The following EP400 variants were observed in gnomAD, a reference collection of about 807,000 sequenced individuals.
EP400 encodes E1A binding protein p400, also known as E1A-binding protein p400.
EP400 carries 105 observed loss-of-function variants against 354.1 expected under a neutral mutation model. That is an observed-to-expected ratio of 0.30 (90% CI 0.25 to 0.35). The LOEUF is 0.35. Ranked by LOEUF, EP400 falls within the 10% of genes least tolerant of loss-of-function variation. The probability of loss-of-function intolerance (pLI) is 1.00; values close to 1 mark genes in which losing one functional copy is unlikely to be tolerated. For synonymous variants in EP400, 1,646 were observed against 1,716.9 expected (o/e 0.96, Z 1.02); for missense variants, 3,280 against 4,121.0 (o/e 0.80, Z 5.59).
At chr12:132,000,804 G>C (rs1893382469) in intron 12 of EP400, among the ~76,000 whole-genome samples, 1 of 152,012 alleles carries the variant, frequency 6.6e-6, no homozygotes, top group African/African-American at 2.4e-5. Flanking sequence ...TTACCAGTTT[G>C]TTTTAAGACA....
intron 12 of EP400, among the ~76,000 whole-genome samples, chr12:132,001,911 A>G (rs1407036450): frequency 6.6e-6 from 1 of 152,226 alleles, no homozygotes; most frequent in African/African-American, 2.4e-5. Context: ...GTATATAATC[A>G]TGTCTATGAT....
At chr12:132,030,400 G>A (rs1894449778) in intron 29 of EP400, among the ~76,000 whole-genome samples, 1 of 152,214 alleles carries the variant, frequency 6.6e-6, no homozygotes, top group Non-Finnish European at 1.5e-5. Context: ...TCATCATTAA[G>A]ACGATACTGG....
At chr12:132,031,373 ACT>A (rs1565922390) in intron 29 of EP400, 1 of 518,972 alleles carries the variant, frequency 1.9e-6, no homozygotes, top group South Asian at 1.4e-5. Flanking sequence ...TGCAAGGTGG[ACT>A]CTAACTTTTT....
intron 10 of EP400, 81 bp downstream of exon 10, chr12:131,991,537 G>C (rs1464508545): frequency 1.6e-5 from 20 of 1,267,562 alleles, no homozygotes; most frequent in Non-Finnish European, 2.2e-5. Context: ...TTCTTATCCA[G>C]AGGAATTTGT....
intron 12 of EP400, among the ~76,000 whole-genome samples, chr12:131,998,319 T>C (rs1893285538): frequency 6.6e-6 from 1 of 152,136 alleles, no homozygotes; most frequent in Non-Finnish European, 1.5e-5. Context: ...GAAAAACCTA[T>C]TGGGAGTTTT....
At chr12:131,986,959 G>A (rs1892874999) in intron 6 of EP400, 152 bp downstream of exon 6, 2 of 1,010,568 alleles carry the variant, frequency 2.0e-6, no homozygotes, top group Non-Finnish European at 2.8e-6. Context: ...CCAAGGGTTA[G>A]CCTTTTCTGT....
chr12:132,041,758 C>T (rs186285182), intron 32 of EP400, among the ~76,000 whole-genome samples: 1 of 152,252 alleles, frequency 6.6e-6, no homozygotes, highest in Non-Finnish European at 1.5e-5. Context: ...GGCAAAATTG[C>T]TGGTCCTTTC....
In EP400 at chr12:131,986,591, C is replaced by T; in HGVS notation, c.2007C>T (p.Ser669=). The T allele has an allele frequency of 6.2e-7, 1 of 1,614,100 alleles. No individual in the cohort carries two copies. Among genetic ancestry groups the T allele is most frequent in the Non-Finnish European group, 8.5e-7 (1 of 1,180,022 alleles). ...CTCTGCCCACCTCTTCTACCTCGTC[C>T]CTCGCGCCTGTGAGTGGCTCCGGCC... ...PRPLPTSSTS[S]LAPVSGSGPG... The change falls in exon 6 of 53, where the codon TCC becomes TCT. Residue 669 remains serine (S), a synonymous_variant. Coordinates refer to ENST00000389561, the MANE Select transcript of EP400 (RefSeq NM_015409.5).
At chr12:131,979,224 A>G (rs1203336273) in intron 2 of EP400, among the ~76,000 whole-genome samples, 5 of 152,212 alleles carry the variant, frequency 3.3e-5, no homozygotes, top group Admixed American at 6.5e-5. Context: ...AAAAAAAAAA[A>G]AAAGATCTAA....
At position 132,078,011 on chromosome 12, in the gene EP400, A is replaced by G. The variant is rs1896289667; in HGVS notation, c.*338A>G. 3.6e-6 allele frequency: 1 copy of G among 279,734 alleles called. No homozygotes were observed. Among genetic ancestry groups the G allele is most frequent in the South Asian group, 5.6e-5 (1 of 17,888 alleles). 17.3% of individuals were successfully genotyped at this position (279,734 alleles called of 1,614,324 possible). On this transcript the variant is annotated 3_prime_UTR_variant, in exon 53 of 53. Coordinates refer to ENST00000389561, the MANE Select transcript of EP400 (RefSeq NM_015409.5). ...ATTTAGAATTTCTTTGTGAGCATGT[A>G]GTGCTTTGCACGCCACAGAAGCCGT...
chr12:131,975,741 TAGAGATG>T (rs1273591793), intron 2 of EP400, among the ~76,000 whole-genome samples: 1 of 152,022 alleles, frequency 6.6e-6, no homozygotes. Flanking sequence ...TGTATTTTTG[TAGAGATG>T]AATTTTCGCC....
chr12:132,076,662 G>A (rs1896248246), intron 52 of EP400, 69 bp downstream of exon 52: 1 of 1,394,502 alleles, frequency 7.2e-7, no homozygotes, highest in Non-Finnish European at 9.9e-7. Context: ...TTCATCTGAG[G>A]TCATGATTAG....
chr12:131,982,621 A>G (rs1037464456), intron 5 of EP400, 143 bp downstream of exon 5: 5 of 1,023,230 alleles, frequency 4.9e-6, no homozygotes, highest in African/African-American at 1.6e-5. Context: ...CAATTACTCA[A>G]TTCAGTACTT....
At chr12:132,076,924 C>T (rs539941020) in intron 52 of EP400, among the ~76,000 whole-genome samples, 1 of 152,356 alleles carries the variant, frequency 6.6e-6, no homozygotes, top group East Asian at 1.9e-4. Flanking sequence ...GCTCGGGGCC[C>T]GCCCTTGAGC....
chr12:132,032,851 G>A (rs1425437022), intron 30 of EP400, among the ~76,000 whole-genome samples: 2 of 152,120 alleles, frequency 1.3e-5, no homozygotes, highest in Non-Finnish European at 2.9e-5. Flanking sequence ...GGCCGGTCTC[G>A]AACTCCTGAC....
At chr12:132,002,587 C>T (rs984564560) in intron 12 of EP400, among the ~76,000 whole-genome samples, 1 of 152,216 alleles carries the variant, frequency 6.6e-6, no homozygotes, top group Non-Finnish European at 1.5e-5. Context: ...TTCATTCTGC[C>T]AGCTGATGGG....
At position 132,029,810 on chromosome 12, in the gene EP400, GAGCACGCTGCGCCGTACTTCC is replaced by G; in HGVS notation, c.5496_5516del (p.His1832_Gln1838del). The stretch of plus-strand genomic sequence containing the variant: ...GAGGATCTTGAGGCAGGGCCTGAGA[GAGCACGCTGCGCCGTACTTCC>G]AGCAGCTGCGGCAGACCACGGCTCC... On this transcript the variant is annotated inframe_deletion, in exon 28 of 53. Transcript: ENST00000389561. This position sits in a 1 kb window ranked among gnomAD's most constrained non-coding sequence, Gnocchi z 4.7. The G allele has an allele frequency of 6.2e-7, 1 of 1,613,568 alleles. No homozygotes were observed. Among genetic ancestry groups the G allele is most frequent in the Non-Finnish European group, 8.5e-7 (1 of 1,180,040 alleles).
chr12:132,017,804 G>A lies in EP400; in HGVS notation c.4110+83G>A, dbSNP rs1323601105. ...TAGATAAAACCATTCTTGGAAATGG[G>A]TTCTCAACCAGCTCTTCTGCAATTG... On this transcript the variant is annotated intron_variant, in intron 20 of 52. Transcript: ENST00000389561. This position sits in a 1 kb window ranked among gnomAD's most constrained non-coding sequence, Gnocchi z 5.0. The A allele has an allele frequency of 1.4e-5, 20 of 1,394,162 alleles. No homozygotes were observed. Among genetic ancestry groups the A allele is most frequent in the Non-Finnish European group, 1.8e-5 (19 of 1,051,660 alleles). The allele number at this position is 1,394,162 out of a possible 1,614,324, so 86.4% of individuals were successfully genotyped here.
intron 21 of EP400, among the ~76,000 whole-genome samples, 164 bp from the exon 22 acceptor site, chr12:132,019,885 C>G (rs1045083074): frequency 1.3e-5 from 2 of 152,128 alleles, no homozygotes; most frequent in African/African-American, 4.8e-5. Context: ...TTACCTAGAG[C>G]AGTACTTAGG....
Sources: gnomAD v4.1 joint callset for allele counts (sites outside exome capture counted in the v4.1 genomes callset) on GRCh38, gnomAD v4.1.1 for gene constraint, Gnocchi (gnomAD v3.1) non-coding constraint, MANE v1.5 for transcripts, NCBI Gene and HGNC (gene_info 2026-07-23, HGNC 2026-07-21) for gene names.